Variants in PRUNE2 observed in about 807,000 individuals in gnomAD.
The protein encoded by PRUNE2 is protein prune homolog 2.
In PRUNE2, 164 loss-of-function variants were observed where a neutral mutation model predicts 252.0. The ratio of observed to expected loss-of-function variants is 0.65; its 90% confidence interval spans 0.57 to 0.74. The LOEUF is 0.74. Among genes scored for constraint, PRUNE2 ranks in the 30% least tolerant of loss-of-function variants. PRUNE2 has a pLI of 0.00. For missense variants in PRUNE2, 3,495 were observed against 3,711.0 expected, an observed-to-expected ratio of 0.94 and a Z score of 1.51; for synonymous variants, 1,292 against 1,350.2, an observed-to-expected ratio of 0.96 and a Z score of 0.94.
chr9:76,780,269 C>T (rs1048472231), intron 6 of PRUNE2, among the ~76,000 whole-genome samples: 1 of 152,000 alleles, frequency 6.6e-6, no homozygotes, highest in African/African-American at 2.4e-5. Context: ...CTGCGCACTC[C>T]CCCAACAATT....
chr9:76,613,836 G>C lies in PRUNE2; in HGVS notation c.*734C>G, dbSNP rs3802494. 1 of 152,130 alleles carries C rather than the reference G, an allele frequency of 6.6e-6. No individual in the cohort carries two copies. The highest frequency in any genetic ancestry group is 2.1e-4 in the South Asian group (1 of 4,824). 9.4% of individuals were successfully genotyped at this position (152,130 alleles called of 1,614,324 possible). On this transcript the variant is annotated 3_prime_UTR_variant, in exon 19 of 19. Coordinates refer to ENST00000376718, the MANE Select transcript of PRUNE2 (RefSeq NM_015225.3). ...ACCTCTGGAGCTGAGTTTATGGCCT[G>C]AAACTCAGAGAGCTACCAAACATGC...
chr9:76,770,041 T>G, intron 6 of PRUNE2, among the ~76,000 whole-genome samples: 1 of 152,338 alleles, frequency 6.6e-6, no homozygotes, highest in Middle Eastern at 3.4e-3. Context: ...CATAACCTAA[T>G]GCAGATATCC....
intron 9 of PRUNE2, among the ~76,000 whole-genome samples, chr9:76,701,284 C>G (rs2045869950): frequency 6.6e-6 from 1 of 152,224 alleles, no homozygotes; most frequent in Non-Finnish European, 1.5e-5. Flanking sequence ...GGGAGACTTA[C>G]ACATTCACAG....
At chr9:76,860,450 A>T (rs1352309283) in intron 1 of PRUNE2, among the ~76,000 whole-genome samples, 1 of 152,210 alleles carries the variant, frequency 6.6e-6, no homozygotes, top group Non-Finnish European at 1.5e-5. Flanking sequence ...CCTTAAAACA[A>T]GTATGAGCAA....
intron 3 of PRUNE2, among the ~76,000 whole-genome samples, chr9:76,848,122 G>T (rs1398965075): frequency 6.6e-6 from 1 of 152,156 alleles, no homozygotes; most frequent in African/African-American, 2.4e-5. Context: ...AAATTAGCTG[G>T]GTGTGGTGGC....
intron 1 of PRUNE2, among the ~76,000 whole-genome samples, chr9:76,867,200 CCCCCCG>C (rs1414611694): frequency 2.7e-5 from 4 of 149,324 alleles, no homozygotes; most frequent in South Asian, 2.2e-4. Flanking sequence ...ACACCATCAA[CCCCCCG>C]CCCCCGCCCC....
At chr9:76,768,037 G>A (rs1272915706) in intron 6 of PRUNE2, among the ~76,000 whole-genome samples, 2 of 152,202 alleles carry the variant, frequency 1.3e-5, no homozygotes, top group Non-Finnish European at 1.5e-5. Context: ...GCATCACAGC[G>A]GCAGGTCAGA....
At chr9:76,651,093 A>G (rs554981406) in intron 11 of PRUNE2, among the ~76,000 whole-genome samples, 1 of 152,272 alleles carries the variant, frequency 6.6e-6, no homozygotes, top group Admixed American at 6.5e-5. Flanking sequence ...ATTTCAACCT[A>G]CAGAATCAAC....
intron 6 of PRUNE2, among the ~76,000 whole-genome samples, chr9:76,801,749 G>A (rs2056573559): frequency 6.6e-6 from 1 of 152,162 alleles, no homozygotes; most frequent in African/African-American, 2.4e-5. Context: ...AATGTGGTAA[G>A]AGTAACTTGA....
At chr9:76,831,678 T>G (rs1324221097) in intron 4 of PRUNE2, among the ~76,000 whole-genome samples, 4 of 152,048 alleles carry the variant, frequency 2.6e-5, no homozygotes, top group Non-Finnish European at 4.4e-5. Context: ...AAACACTTAT[T>G]TAGTATACAG....
chr9:76,769,109 A>G (rs1289199006), intron 6 of PRUNE2, among the ~76,000 whole-genome samples: 10 of 152,174 alleles, frequency 6.6e-5, no homozygotes, highest in African/African-American at 2.4e-4. Flanking sequence ...ATATTCTTAG[A>G]ATCTTTCATT....
chr9:76,871,013 C>A (rs920035252), intron 1 of PRUNE2, among the ~76,000 whole-genome samples: 7 of 152,186 alleles, frequency 4.6e-5, no homozygotes, highest in African/African-American at 1.7e-4. Flanking sequence ...CATCATTTCA[C>A]AAAATTCTCA....
Position 76,707,416 on chromosome 9 carries a change from T to C in PRUNE2, c.4858A>G (p.Thr1620Ala), listed in dbSNP as rs1420578322. 2.5e-6 allele frequency: 4 copies of C among 1,613,952 alleles called. No homozygotes were observed. The highest frequency in any genetic ancestry group is 3.4e-6 in the Non-Finnish European group (4 of 1,179,804). ...FEKSFDRKTPTFLEIWNDSVD... is the reference protein window; with the variant it reads ...FEKSFDRKTPAFLEIWNDSVD... Reference sequence around the variant, plus strand: ...GAGTCATTCCAGATCTCTAAAAATGTAGGAGTTTTGCGATCAAAGCTCTTT... The same window carrying C: ...GAGTCATTCCAGATCTCTAAAAATGCAGGAGTTTTGCGATCAAAGCTCTTT... The change falls in exon 8 of 19, where the codon ACA becomes GCA. Residue 1620 changes from threonine to alanine, a missense_variant. Physicochemically the swap from Thr to Ala is moderately conservative, Grantham distance 58. Transcript: ENST00000376718.
At position 76,659,851 on chromosome 9, in the gene PRUNE2, T is replaced by C. The variant is rs146489139; in HGVS notation, c.8277-4349A>G. Among the ~76,000 whole-genome samples, 709 of 151,178 alleles carry C rather than the reference T, an allele frequency of 4.7e-3. 1 individual carries two copies. Among genetic ancestry groups the C allele is most frequent in the Non-Finnish European group, 7.4e-3 (500 of 67,752 alleles). On this transcript the variant is annotated intron_variant, in intron 9 of 18. Transcript: ENST00000376718. ...TAAATGGTGAGTGATTTAAGTTACATAAAATAAATAACATATATAGAAAAA... is the reference window on the plus strand; with the variant it reads ...TAAATGGTGAGTGATTTAAGTTACACAAAATAAATAACATATATAGAAAAA...
intron 6 of PRUNE2, among the ~76,000 whole-genome samples, chr9:76,821,606 T>A (rs948115651): frequency 1.3e-5 from 2 of 152,108 alleles, no homozygotes; most frequent in Non-Finnish European, 2.9e-5. Flanking sequence ...AAGTGAAAAG[T>A]TCTCATTCAG....
intron 1 of PRUNE2, among the ~76,000 whole-genome samples, chr9:76,899,530 T>C (rs752402012): frequency 6.6e-6 from 1 of 152,158 alleles, no homozygotes; most frequent in Non-Finnish European, 1.5e-5. Context: ...CGTTTATTTA[T>C]TTTTATTGAG....
At chr9:76,848,022 G>A (rs1033085849) in intron 3 of PRUNE2, among the ~76,000 whole-genome samples, 2 of 152,324 alleles carry the variant, frequency 1.3e-5, no homozygotes, top group East Asian at 3.9e-4. Context: ...CCAGCACTTT[G>A]GGAGGCTGAG....
chr9:76,803,640 G>A (rs1298900582), intron 6 of PRUNE2, among the ~76,000 whole-genome samples: 1 of 152,124 alleles, frequency 6.6e-6, no homozygotes, highest in Non-Finnish European at 1.5e-5. Flanking sequence ...AGCTAGGCTG[G>A]CTGCTGGTGG....
chr9:76,670,981 TA>T (rs1185020975), intron 9 of PRUNE2, among the ~76,000 whole-genome samples: 1 of 152,042 alleles, frequency 6.6e-6, no homozygotes, highest in African/African-American at 2.4e-5. Flanking sequence ...CTGGAAACTC[TA>T]AAAAGCAGAG....
Sources: gnomAD v4.1 joint callset for allele counts (sites outside exome capture counted in the v4.1 genomes callset) on GRCh38, gnomAD v4.1.1 for gene constraint, MANE v1.5 for transcripts, NCBI Gene and HGNC (gene_info 2026-07-23, HGNC 2026-07-21) for gene names.